The following ATG5 variants were observed in gnomAD, a reference collection of about 807,000 sequenced individuals.
ATG5 encodes autophagy protein 5.
In ATG5, 14 loss-of-function variants were observed where a neutral mutation model predicts 36.5. The observed-to-expected ratio is 0.38, with a 90% CI of 0.25 to 0.60. The LOEUF is 0.60. Ranked by LOEUF, ATG5 falls within the 20% of genes least tolerant of loss-of-function variation. The probability of loss-of-function intolerance (pLI) is 0.60; values close to 1 mark genes in which losing one functional copy is unlikely to be tolerated. For missense variants in ATG5, 195 were observed against 326.7 expected, an observed-to-expected ratio of 0.60 and a Z score of 3.11; for synonymous variants, 95 against 101.5, an observed-to-expected ratio of 0.94 and a Z score of 0.38.
intron 7 of ATG5, among the ~76,000 whole-genome samples, chr6:106,195,820 A>T (rs910373659): frequency 6.6e-6 from 1 of 151,504 alleles, no homozygotes; most frequent in Non-Finnish European, 1.5e-5. Context: ...AAAAAAAAAA[A>T]AAAAAAAAAA....
chr6:106,259,327 G>A (rs1329096100), intron 5 of ATG5, among the ~76,000 whole-genome samples: 1 of 151,940 alleles, frequency 6.6e-6, no homozygotes, highest in Non-Finnish European at 1.5e-5. Context: ...TATCCTGTTA[G>A]GTCCAAAACT....
At chr6:106,289,229 T>C (rs767283279) in intron 4 of ATG5, among the ~76,000 whole-genome samples, 1 of 152,146 alleles carries the variant, frequency 6.6e-6, no homozygotes, top group Non-Finnish European at 1.5e-5. Flanking sequence ...ATTTTCTGCC[T>C]GAAAATTAAC....
intron 5 of ATG5, among the ~76,000 whole-genome samples, chr6:106,263,782 TACA>T (rs746453609): frequency 1.4e-5 from 2 of 142,782 alleles, no homozygotes; most frequent in Non-Finnish European, 3.0e-5. Flanking sequence ...AAAAAGAAAA[TACA>T]ACATCAACAT....
intron 6 of ATG5, among the ~76,000 whole-genome samples, chr6:106,228,260 A>G (rs579801): frequency 0.63 from 95,643 of 151,942 alleles, 32,125 homozygotes; most frequent in African/African-American, 0.88. Flanking sequence ...CTCTCCATCC[A>G]CCACTGCTGT....
chr6:106,282,443 C>G (rs1054497279), intron 4 of ATG5, among the ~76,000 whole-genome samples: 12 of 152,218 alleles, frequency 7.9e-5, no homozygotes, highest in African/African-American at 2.9e-4. Flanking sequence ...TGCCCCTAAC[C>G]CTTTGCCCCA....
At chr6:106,244,267 T>C (rs1459714124) in intron 6 of ATG5, among the ~76,000 whole-genome samples, 1 of 152,222 alleles carries the variant, frequency 6.6e-6, no homozygotes, top group Non-Finnish European at 1.5e-5. Context: ...GAATAACATG[T>C]AGAACAAAGT....
At chr6:106,297,099 TAGA>T (rs1383239199) in intron 3 of ATG5, among the ~76,000 whole-genome samples, 2 of 152,160 alleles carry the variant, frequency 1.3e-5, no homozygotes, top group South Asian at 2.1e-4. Context: ...CAAGAACTAA[TAGA>T]AGAACAATAT....
intron 7 of ATG5, 96 bp downstream of exon 7, chr6:106,201,876 T>G (rs562015767): frequency 2.3e-6 from 2 of 856,918 alleles, no homozygotes; most frequent in African/African-American, 3.4e-5. Flanking sequence ...TGAAAATATC[T>G]TCCTGAAATA....
intron 5 of ATG5, among the ~76,000 whole-genome samples, chr6:106,257,722 T>A (rs541427733): frequency 6.6e-6 from 1 of 152,350 alleles, no homozygotes; most frequent in Admixed American, 6.5e-5. Flanking sequence ...GTAAGCCTAA[T>A]AAGCTCCTCC....
At chr6:106,240,336 C>A (rs944696095) in intron 6 of ATG5, among the ~76,000 whole-genome samples, 1 of 147,868 alleles carries the variant, frequency 6.8e-6, no homozygotes, top group Non-Finnish European at 1.5e-5. Context: ...TATAAAATAT[C>A]TTTAATATAT....
intron 5 of ATG5, among the ~76,000 whole-genome samples, chr6:106,260,464 G>A (rs1356020765): frequency 1.3e-5 from 2 of 152,192 alleles, no homozygotes; most frequent in Non-Finnish European, 2.9e-5. Context: ...ATACTAAAGG[G>A]ATACTGTGCG....
At chr6:106,236,269 A>G (rs1055546686) in intron 6 of ATG5, among the ~76,000 whole-genome samples, 4 of 152,210 alleles carry the variant, frequency 2.6e-5, no homozygotes, top group African/African-American at 4.8e-5. Flanking sequence ...ATTATGATGG[A>G]TATTATGAAT....
intron 5 of ATG5, among the ~76,000 whole-genome samples, chr6:106,277,468 C>T (rs1779703156): frequency 6.6e-6 from 1 of 152,190 alleles, no homozygotes; most frequent in Non-Finnish European, 1.5e-5. Flanking sequence ...GATTGTTCCA[C>T]AATCTTTAAA....
intron 5 of ATG5, among the ~76,000 whole-genome samples, chr6:106,269,925 G>A (rs531745128): frequency 3.5e-4 from 53 of 152,348 alleles, no homozygotes; most frequent in Non-Finnish European, 7.2e-4. Context: ...CGCCGAGAGC[G>A]AGCAAGGGCT....
At chr6:106,277,472 C>T (rs1361354005) in intron 5 of ATG5, among the ~76,000 whole-genome samples, 1 of 152,212 alleles carries the variant, frequency 6.6e-6, no homozygotes, top group East Asian at 1.9e-4. Flanking sequence ...GTTCCACAAT[C>T]TTTAAAAAAT....
rs1324957229 is a variant in ATG5 at position 106,184,940 on chromosome 6, T to C, written c.*1600A>G. The C allele has an allele frequency of 6.6e-6, 1 of 152,338 alleles. No homozygotes were observed. Among genetic ancestry groups the C allele is most frequent in the Non-Finnish European group, 1.5e-5 (1 of 68,008 alleles). The allele number at this position is 152,338 out of a possible 1,614,324, so 9.4% of individuals were successfully genotyped here. The stretch of plus-strand genomic sequence containing the variant: ...TTCAGACCAGCCTCTTGTGCAAAAA[T>C]ACAAGTCAGTGGATTTTTTATCCTT... On this transcript the variant is annotated 3_prime_UTR_variant, in exon 8 of 8. Transcript: ENST00000369076.
chr6:106,302,987 A>G (rs1252018341), intron 3 of ATG5, among the ~76,000 whole-genome samples: 1 of 152,096 alleles, frequency 6.6e-6, no homozygotes, highest in Non-Finnish European at 1.5e-5. Context: ...TGTTACATGC[A>G]TTTTACTACA....
At position 106,225,740 on chromosome 6, in the gene ATG5, C is replaced by CT. The variant is rs34921469; in HGVS notation, c.573+22409dup. On this transcript the variant is annotated intron_variant, in intron 6 of 7. Coordinates refer to ENST00000369076, the MANE Select transcript of ATG5 (RefSeq NM_004849.4). ...CTGCCAGTTCCCTAGAAAAACCTCC[C>CT]TCATAGGACATTATTTGACTTGACT... Among the ~76,000 whole-genome samples the CT allele has an allele frequency of 8.2e-3, 1,248 of 152,250 alleles. 12 individuals carry two copies. Among genetic ancestry groups the CT allele is most frequent in the Non-Finnish European group, 0.01 (698 of 68,018 alleles).
chr6:106,239,725 G>C (rs1290855667), intron 6 of ATG5, among the ~76,000 whole-genome samples: 1 of 152,238 alleles, frequency 6.6e-6, no homozygotes. Flanking sequence ...TAAGAAGTGA[G>C]TAAACTATGG....
Sources: gnomAD v4.1 joint callset for allele counts (sites outside exome capture counted in the v4.1 genomes callset) on GRCh38, gnomAD v4.1.1 for gene constraint, MANE v1.5 for transcripts, NCBI Gene and HGNC (gene_info 2026-07-23, HGNC 2026-07-21) for gene names.